The following DUSP22 variants were observed in gnomAD, a reference collection of about 807,000 sequenced individuals.
DUSP22 encodes the protein dual specificity phosphatase 22.
Under a neutral mutation model 24.5 loss-of-function variants are expected in DUSP22, and 24 were observed. That is an observed-to-expected ratio of 0.98 (90% CI 0.71 to 1.38). The LOEUF is 1.38. Among genes scored for constraint, DUSP22 ranks in the 40% most tolerant of loss-of-function variants. DUSP22 has a pLI of 0.00. For synonymous variants in DUSP22, 160 were observed against 106.4 expected (o/e 1.50, Z -3.10); for missense variants, 330 against 269.2 (o/e 1.23, Z -1.58).
chr6:320,875 T>C (rs544442106), intron 3 of DUSP22, among the ~76,000 whole-genome samples: 1 of 152,416 alleles, frequency 6.6e-6, no homozygotes, highest in South Asian at 2.1e-4. Context: ...TTGTTACTCC[T>C]CCAGACTCAG....
At chr6:299,023 C>T (rs890230225) in intron 1 of DUSP22, among the ~76,000 whole-genome samples, 1 of 152,294 alleles carries the variant, frequency 6.6e-6, no homozygotes, top group East Asian at 1.9e-4. Context: ...TGTGGGAGGC[C>T]ACTCAGGAAC....
At chr6:303,841 G>A (rs1757695135) in intron 1 of DUSP22, among the ~76,000 whole-genome samples, 1 of 152,426 alleles carries the variant, frequency 6.6e-6, no homozygotes, top group East Asian at 1.9e-4. Context: ...ATCATTCCAT[G>A]CGGGGGCTGG....
chr6:330,309 G>A (rs1182245389), intron 3 of DUSP22, among the ~76,000 whole-genome samples: 1 of 152,302 alleles, frequency 6.6e-6, no homozygotes, highest in Non-Finnish European at 1.5e-5. Flanking sequence ...GGCTCCTGCA[G>A]GGATCCAGTT....
chr6:346,233 A>G lies in DUSP22; in HGVS notation c.263+305A>G, dbSNP rs1452103802. On this transcript the variant is annotated intron_variant, in intron 5 of 6. Coordinates refer to ENST00000419235, the MANE Select transcript of DUSP22 (RefSeq NM_001286555.3). ...TTTGCTGGCTTGCCTCCAGCATTTCATCAGAACAGCCTCTTACAGATGACC... is the reference window on the plus strand; with the variant it reads ...TTTGCTGGCTTGCCTCCAGCATTTCGTCAGAACAGCCTCTTACAGATGACC... 3.3e-5 allele frequency among the ~76,000 whole-genome samples: 5 copies of G among 152,414 alleles called. No individual in the cohort carries two copies. The East Asian group carries it at 9.6e-4, about 29-fold the overall frequency.
intron 1 of DUSP22, among the ~76,000 whole-genome samples, chr6:299,521 T>G (rs1757487710): frequency 6.6e-6 from 1 of 152,304 alleles, no homozygotes. Flanking sequence ...TTGTTTGTAA[T>G]TCTATATGGA....
At chr6:302,932 C>T (rs1387098932) in intron 1 of DUSP22, among the ~76,000 whole-genome samples, 3 of 152,294 alleles carry the variant, frequency 2.0e-5, no homozygotes. Flanking sequence ...GGAACAGGAG[C>T]TTGGTGGGGT....
intron 3 of DUSP22, among the ~76,000 whole-genome samples, chr6:333,704 C>T (rs1041940326): frequency 2.6e-5 from 4 of 152,424 alleles, no homozygotes; most frequent in African/African-American, 7.2e-5. Context: ...CCAAGCTCAG[C>T]GCCCACTTTG....
chr6:308,639 T>G (rs1757933710), intron 2 of DUSP22, among the ~76,000 whole-genome samples: 1 of 152,310 alleles, frequency 6.6e-6, no homozygotes, highest in African/African-American at 2.4e-5. Context: ...CAGGCCACTT[T>G]AAAAAGATTC....
At chr6:328,110 AAGC>A (rs1233323652) in intron 3 of DUSP22, among the ~76,000 whole-genome samples, 4 of 152,300 alleles carry the variant, frequency 2.6e-5, no homozygotes, top group African/African-American at 9.6e-5. Context: ...GCTGATTTCT[AAGC>A]AGCAGCTTTC....
intron 3 of DUSP22, among the ~76,000 whole-genome samples, chr6:318,359 C>T (rs1267741400): frequency 1.3e-5 from 2 of 152,308 alleles, no homozygotes; most frequent in African/African-American, 4.8e-5. Flanking sequence ...TGGAGCTTAT[C>T]CTCATTAGGA....
intron 3 of DUSP22, among the ~76,000 whole-genome samples, chr6:321,198 G>A (rs1404148355): frequency 6.6e-6 from 1 of 152,306 alleles, no homozygotes; most frequent in Non-Finnish European, 1.5e-5. Context: ...GGTACAGGGT[G>A]CACTAAGGGA....
chr6:346,028 A>G, intron 5 of DUSP22, 100 bp downstream of exon 5: 2 of 1,459,670 alleles, frequency 1.4e-6, no homozygotes. Context: ...TCACCTCCTA[A>G]TAGTTTTCTG....
At chr6:339,600 T>C (rs1319132495) in intron 4 of DUSP22, among the ~76,000 whole-genome samples, 3 of 152,302 alleles carry the variant, frequency 2.0e-5, no homozygotes, top group Non-Finnish European at 4.4e-5. Context: ...TGCCAGGCTA[T>C]GGAGTCGGTA....
chr6:330,034 G>T (rs1342944704), intron 3 of DUSP22, among the ~76,000 whole-genome samples: 1 of 152,292 alleles, frequency 6.6e-6, no homozygotes, highest in African/African-American at 2.4e-5. Flanking sequence ...TGAATACAGA[G>T]TGTGTGTACA....
At chr6:301,568 C>T (rs1218844110) in intron 1 of DUSP22, among the ~76,000 whole-genome samples, 2 of 152,302 alleles carry the variant, frequency 1.3e-5, no homozygotes, top group Middle Eastern at 3.2e-3. Context: ...TTTGATAGGA[C>T]AGAGGAATGA....
rs142305136 is a variant in DUSP22 at position 351,341 on chromosome 6, C to T, written c.*2390C>T. 1.0e-3 allele frequency: 171 copies of T among 168,804 alleles called. No individual in the cohort carries two copies. Among genetic ancestry groups the T allele is most frequent in the African/African-American group, 3.8e-3 (161 of 41,850 alleles). The allele number at this position is 168,804 out of a possible 1,614,324, so 10.5% of individuals were successfully genotyped here. A position where few individuals can be genotyped will look rare whatever the true frequency, so the allele number is the denominator to read the frequency against. On this transcript the variant is annotated 3_prime_UTR_variant, in exon 7 of 7. Coordinates refer to ENST00000419235, the MANE Select transcript of DUSP22 (RefSeq NM_001286555.3). The stretch of plus-strand genomic sequence containing the variant: ...CTATGTTTTCGTTAATAAAGGGCAA[C>T]TTAGCCAAGTTTAAGGTCGCGTGCG...
rs2127423976 is a variant in DUSP22, at chr6:348,624, A to G, written c.436-145A>G. Reference sequence around the variant, plus strand: ...TCTCTTGCTTGACCCTGGCTGGCCAACCACAGAGCTCTGATTTCCCACTGC... The same window carrying G: ...TCTCTTGCTTGACCCTGGCTGGCCAGCCACAGAGCTCTGATTTCCCACTGC... On this transcript the variant is annotated intron_variant, in intron 6 of 6. Transcript: ENST00000419235. 6 of 1,409,780 alleles carry G rather than the reference A, an allele frequency of 4.3e-6. No homozygotes were observed. The South Asian group carries it at 6.8e-5, about 16-fold the overall frequency. 87.3% of individuals were successfully genotyped at this position (1,409,780 alleles called of 1,614,324 possible).
intron 4 of DUSP22, among the ~76,000 whole-genome samples, chr6:343,374 T>TGGGGCAGCTGACTGGCTGGCAGCAGG (rs1759701795): frequency 3.9e-5 from 6 of 152,122 alleles, no homozygotes; most frequent in African/African-American, 1.2e-4. Context: ...GTGCACAGGC[T>TGGGGCAGCTGACTGGCTGGCAGCAGG]GGGGCAGCTG....
chr6:303,328 G>A (rs998637903), intron 1 of DUSP22, among the ~76,000 whole-genome samples: 3 of 152,310 alleles, frequency 2.0e-5, no homozygotes, highest in Non-Finnish European at 4.4e-5. Context: ...GACTGTCCCA[G>A]TTTGGCCGAT....
Sources: gnomAD v4.1 joint callset for allele counts (sites outside exome capture counted in the v4.1 genomes callset) on GRCh38, gnomAD v4.1.1 for gene constraint, MANE v1.5 for transcripts, NCBI Gene and HGNC (gene_info 2026-07-23, HGNC 2026-07-21) for gene names.